The following CRMP1 variants were observed in gnomAD, a reference collection of about 807,000 sequenced individuals.
The protein encoded by CRMP1 is dihydropyrimidinase-related protein 1.
In CRMP1, 19 loss-of-function variants were observed where a neutral mutation model predicts 68.3. That is an observed-to-expected ratio of 0.28 (90% CI 0.19 to 0.41). The LOEUF (loss-of-function observed/expected upper bound fraction) is 0.41. Among genes scored for constraint, CRMP1 ranks in the 10% least tolerant of loss-of-function variants. CRMP1 has a pLI of 1.00. For missense variants in CRMP1, 791 were observed against 967.4 expected, an observed-to-expected ratio of 0.82 and a Z score of 2.42; for synonymous variants, 439 against 399.6, an observed-to-expected ratio of 1.10 and a Z score of -1.18.
At position 5,866,531 on chromosome 4, in the gene CRMP1, C is replaced by T. The variant is rs1714011776; in HGVS notation, c.470+137G>A. ...ACCCGCAGTGTGCACCTCCCCCAAC[C>T]TCTGTGAGGTCTCTACCCCTGAAAC... On this transcript the variant is annotated intron_variant, in intron 2 of 13. Coordinates refer to ENST00000324989, the MANE Select transcript of CRMP1 (RefSeq NM_001014809.3). This position sits in a 1 kb window ranked among gnomAD's most constrained non-coding sequence, Gnocchi z 5.9. 6 of 620,428 alleles carry T rather than the reference C, an allele frequency of 9.7e-6. No individual in the cohort carries two copies. The South Asian group carries it at 1.5e-4, about 16-fold the overall frequency. The allele number at this position is 620,428 out of a possible 1,614,324, so 38.4% of individuals were successfully genotyped here.
chr4:5,887,806 G>A (rs1226844526), intron 1 of CRMP1: 2 of 992,730 alleles, frequency 2.0e-6, no homozygotes, highest in Non-Finnish European at 2.4e-6. Flanking sequence ...CCGGGCTGTG[G>A]GGTGCATGGG....
At chr4:5,828,857 G>A (rs144143556) in intron 11 of CRMP1, among the ~76,000 whole-genome samples, 189 bp from the exon 12 acceptor site, 100 of 151,984 alleles carry the variant, frequency 6.6e-4, no homozygotes, top group Non-Finnish European at 1.1e-3. Context: ...ACAACTCACC[G>A]TTGCGCATGT....
chr4:5,871,731 G>A (rs1389708302), intron 1 of CRMP1, among the ~76,000 whole-genome samples: 1 of 152,162 alleles, frequency 6.6e-6, no homozygotes, highest in East Asian at 1.9e-4. Context: ...CTTTATGACA[G>A]AACTTTTCAG....
chr4:5,836,910 G>C lies in CRMP1; in HGVS notation c.1311-4C>G, dbSNP rs1025331776. On this transcript the variant is annotated splice_region_variant and splice_polypyrimidine_tract_variant and intron_variant, in intron 9 of 13. Coordinates refer to ENST00000324989, the MANE Select transcript of CRMP1 (RefSeq NM_001014809.3). Reference sequence around the variant, plus strand: ...GCCTGTGACCTGCAAGTCCCCACTGGCAAGGACAAAACAAGGTAGAGTTCA... The same window carrying C: ...GCCTGTGACCTGCAAGTCCCCACTGCCAAGGACAAAACAAGGTAGAGTTCA... 1 of 1,607,596 alleles carries C rather than the reference G, an allele frequency of 6.2e-7. No homozygotes were observed. The highest frequency in any genetic ancestry group is 8.5e-7 in the Non-Finnish European group (1 of 1,176,666).
At chr4:5,885,854 A>T (rs1715548949) in intron 1 of CRMP1, among the ~76,000 whole-genome samples, 1 of 138,314 alleles carries the variant, frequency 7.2e-6, no homozygotes, top group African/African-American at 2.7e-5. Flanking sequence ...AAGTTAATGC[A>T]AACCCACTAA....
At chr4:5,856,057 C>T in intron 4 of CRMP1, 86 bp downstream of exon 4, 1 of 1,506,290 alleles carries the variant, frequency 6.6e-7, no homozygotes, top group South Asian at 1.3e-5. Flanking sequence ...CAGATGCAGA[C>T]AGGGGGATTT....
chr4:5,824,563 C>T (rs1719229368), intron 13 of CRMP1: 1 of 978,534 alleles, frequency 1.0e-6, no homozygotes, highest in Non-Finnish European at 1.2e-6. Context: ...AATTAGCAAA[C>T]GGGTCCATTG....
In CRMP1 at chr4:5,850,918, G is replaced by A. The variant is rs1712572929; in HGVS notation, c.882+490C>T. 6.6e-6 allele frequency among the ~76,000 whole-genome samples: 1 copy of A among 152,186 alleles called. No homozygotes were observed. Among genetic ancestry groups the A allele is most frequent in the East Asian group, 1.9e-4 (1 of 5,200 alleles). The stretch of plus-strand genomic sequence containing the variant: ...ATAATAATTGTTTGCTGTTGGCAGG[G>A]CCAGAAATGTTCCATCTTACAAATG... On this transcript the variant is annotated intron_variant, in intron 5 of 13. Coordinates refer to ENST00000324989, the MANE Select transcript of CRMP1 (RefSeq NM_001014809.3). The surrounding 1 kb of genome is among the most constrained non-coding windows in gnomAD (Gnocchi z 4.4).
chr4:5,874,581 A>G (rs1407964101), intron 1 of CRMP1, among the ~76,000 whole-genome samples: 2 of 152,044 alleles, frequency 1.3e-5, no homozygotes, highest in African/African-American at 4.8e-5. Flanking sequence ...GGACCCTTAC[A>G]CAGTATTTAG....
At chr4:5,856,861 C>A (rs2152466032) in intron 3 of CRMP1, among the ~76,000 whole-genome samples, 1 of 149,394 alleles carries the variant, frequency 6.7e-6, no homozygotes, top group East Asian at 2.0e-4. Flanking sequence ...TGTCACCCCA[C>A]CATCATCACC....
chr4:5,864,816 C>G (rs9991070), intron 2 of CRMP1, among the ~76,000 whole-genome samples: 107,945 of 151,944 alleles, frequency 0.71, 38,699 homozygotes, highest in East Asian at 0.79. Flanking sequence ...GCAAGGCTCT[C>G]AGGTGACAGC....
rs1715850932 is a variant in CRMP1, at chr4:5,889,704, C to A, written c.381+2885G>T. 1.3e-6 allele frequency: 2 copies of A among 1,535,918 alleles called. No homozygotes were observed. The highest frequency in any genetic ancestry group is 3.9e-5 in the Admixed American group (2 of 50,984). On this transcript the variant is annotated intron_variant, in intron 1 of 13. Transcript: ENST00000324989. This position sits in a 1 kb window ranked among gnomAD's most constrained non-coding sequence, Gnocchi z 4.5. ...CCTATGAAACTACTCATCTTTTCTG[C>A]TTTCAAGTTGCCATCCAGAGCGAGG...
intron 6 of CRMP1, among the ~76,000 whole-genome samples, chr4:5,845,059 A>G (rs1056931796): frequency 1.3e-5 from 2 of 152,228 alleles, no homozygotes; most frequent in African/African-American, 4.8e-5. Context: ...CCAAAGATGG[A>G]TCTCACACGC....
chr4:5,822,295 G>C (rs944894879), intron 13 of CRMP1, among the ~76,000 whole-genome samples: 2 of 152,228 alleles, frequency 1.3e-5, no homozygotes, highest in African/African-American at 4.8e-5. Flanking sequence ...CACAGGTGTT[G>C]GGTGGGGAAG....
chr4:5,892,380 C>T lies in CRMP1; in HGVS notation c.381+209G>A, dbSNP rs1274101197. ...CCCGGGCGATCCCTTCCGAGTCTCA[C>T]GGACCACGCCGGCCAGCCCCGACCG... On this transcript the variant is annotated intron_variant, in intron 1 of 13. Transcript: ENST00000324989. The surrounding 1 kb of genome is among the most constrained non-coding windows in gnomAD (Gnocchi z 8.6). Among the ~76,000 whole-genome samples the T allele has an allele frequency of 1.3e-5, 2 of 152,334 alleles. No homozygotes were observed. The highest frequency in any genetic ancestry group is 2.1e-4 in the South Asian group (1 of 4,834).
chr4:5,856,229 G>A lies in CRMP1; in HGVS notation c.734C>T (p.Ser245Phe). The change falls in exon 4 of 14, where the codon TCC (serine) becomes TTC (phenylalanine). Residue 245 changes from serine to phenylalanine, a missense_variant. This residue lies in a region of CRMP1 where 594 missense variants were observed against 763.6 expected (regional missense o/e 0.78). Coordinates refer to ENST00000324989, the MANE Select transcript of CRMP1 (RefSeq NM_001014809.3). ...EKWHEAADTK[S>F]CCDYSLHVDI... ...CACGTGGAGGGAGTAATCACAGCAG[G>A]ATTTGGTGTCAGCTGCTTCGTGCCA... The A allele has an allele frequency of 6.2e-7, 1 of 1,614,008 alleles. No homozygotes were observed. The highest frequency in any genetic ancestry group is 8.5e-7 in the Non-Finnish European group (1 of 1,179,904).
intron 12 of CRMP1, 40 bp downstream of exon 12, chr4:5,828,449 G>C (rs776331537): frequency 1.3e-6 from 2 of 1,599,986 alleles, no homozygotes; most frequent in South Asian, 2.2e-5. Context: ...TGTCGGCTCT[G>C]GTCCCACGGG....
In CRMP1 at chr4:5,858,615, A is replaced by C. The variant is rs1713311695; in HGVS notation, c.656-2308T>G. Among the ~76,000 whole-genome samples, 1 of 152,148 alleles carries C rather than the reference A, an allele frequency of 6.6e-6. No homozygotes were observed. The highest frequency in any genetic ancestry group is 1.5e-5 in the Non-Finnish European group (1 of 68,038). On this transcript the variant is annotated intron_variant, in intron 3 of 13. Coordinates refer to ENST00000324989, the MANE Select transcript of CRMP1 (RefSeq NM_001014809.3). The surrounding 1 kb of genome is among the most constrained non-coding windows in gnomAD (Gnocchi z 5.5). ...CCCTCATCTCTCAGCTGAATTACGC[A>C]ATCGCCTCCCAACTGGTCCAGACAC...
intron 1 of CRMP1, among the ~76,000 whole-genome samples, chr4:5,875,402 A>G (rs908466313): frequency 6.6e-5 from 2 of 30,084 alleles, no homozygotes; most frequent in African/African-American, 2.1e-4. Context: ...ATTTTAGAAA[A>G]AAAAAAAAAA....
Sources: gnomAD v4.1 joint callset for allele counts (sites outside exome capture counted in the v4.1 genomes callset) on GRCh38, gnomAD v4.1.1 for gene constraint, gnomAD v4.1.1 regional missense constraint, Gnocchi (gnomAD v3.1) non-coding constraint, MANE v1.5 for transcripts, NCBI Gene and HGNC (gene_info 2026-07-23, HGNC 2026-07-21) for gene names.